Variants in AIG1 observed in about 807,000 individuals in gnomAD.
AIG1 encodes the protein androgen induced 1, also known as androgen-induced gene 1 protein.
AIG1 carries 23 observed loss-of-function variants against 31.4 expected under a neutral mutation model. That is an observed-to-expected ratio of 0.73 (90% CI 0.53 to 1.04). The LOEUF (loss-of-function observed/expected upper bound fraction) is 1.04, where lower values mean the gene tolerates loss of function less well. Among genes scored for constraint, AIG1 ranks in the 50% least tolerant of loss-of-function variants. AIG1 has a pLI of 0.00. For synonymous variants in AIG1, 100 were observed against 110.5 expected (o/e 0.90, Z 0.60); for missense variants, 274 against 295.0 (o/e 0.93, Z 0.52).
chr6:143,070,121 T>C (rs979818417), intron 1 of AIG1, among the ~76,000 whole-genome samples: 14 of 152,264 alleles, frequency 9.2e-5, no homozygotes, highest in African/African-American at 3.4e-4. Flanking sequence ...CATCTAACTT[T>C]GTTCTTTTTC....
chr6:143,207,734 A>G (rs893490127), intron 3 of AIG1, among the ~76,000 whole-genome samples: 1 of 152,150 alleles, frequency 6.6e-6, no homozygotes, highest in East Asian at 1.9e-4. Flanking sequence ...TATAAAATCA[A>G]TGAGTTTGTG....
chr6:143,302,419 C>T (rs1798894178), intron 4 of AIG1, among the ~76,000 whole-genome samples: 1 of 151,710 alleles, frequency 6.6e-6, no homozygotes, highest in Admixed American at 6.6e-5. Context: ...ATTCCCCTTC[C>T]TGTGTCCATG....
At chr6:143,336,486 A>T (rs1777502682) in intron 5 of AIG1, among the ~76,000 whole-genome samples, 1 of 152,182 alleles carries the variant, frequency 6.6e-6, no homozygotes, top group Non-Finnish European at 1.5e-5. Context: ...TAAGAATACC[A>T]GTTGTATTTG....
intron 4 of AIG1, among the ~76,000 whole-genome samples, chr6:143,286,981 C>G (rs190603035): frequency 2.0e-5 from 3 of 152,002 alleles, no homozygotes; most frequent in African/African-American, 7.2e-5. Context: ...CAGTCCTCCC[C>G]AAGCTTAGCA....
rs1777333707 is a variant in AIG1, at chr6:143,334,527, T to C, written c.679+1082T>C. 6.6e-6 allele frequency among the ~76,000 whole-genome samples: 1 copy of C among 152,250 alleles called. No individual in the cohort carries two copies. Among genetic ancestry groups the C allele is most frequent in the Admixed American group, 6.5e-5 (1 of 15,286 alleles). On this transcript the variant is annotated intron_variant, in intron 5 of 5. Coordinates refer to ENST00000357847, the MANE Select transcript of AIG1 (RefSeq NM_016108.4). This position sits in a 1 kb window ranked among gnomAD's most constrained non-coding sequence, Gnocchi z 5.1. ...TGAGGGTTTCTTTTCTCATCAGCTTTTGATTTTAATCAATGTTCTATTAGA... is the reference window on the plus strand; with the variant it reads ...TGAGGGTTTCTTTTCTCATCAGCTTCTGATTTTAATCAATGTTCTATTAGA...
rs1000008913 is a variant in AIG1 at position 143,154,915 on chromosome 6, T to G, written c.298-10167T>G. Among the ~76,000 whole-genome samples the G allele has an allele frequency of 3.3e-5, 5 of 151,060 alleles. No individual in the cohort carries two copies. In the South Asian group the frequency reaches 1.0e-3, roughly 32 times the overall value. ...CAGGCTGGAGTGCAGCGGTGTGATC[T>G]CGGTGCACTGCAGCCTCTACCTTCC... On this transcript the variant is annotated intron_variant, in intron 2 of 5. Transcript: ENST00000357847.
intron 3 of AIG1, chr6:143,190,431 C>T (rs1440586307): frequency 1.0e-6 from 1 of 985,272 alleles, no homozygotes; most frequent in African/African-American, 1.7e-5. Flanking sequence ...TTGGTGTAAA[C>T]ATTTTAGAGA....
At chr6:143,182,234 A>G (rs746397723) in intron 3 of AIG1, among the ~76,000 whole-genome samples, 7 of 152,004 alleles carry the variant, frequency 4.6e-5, no homozygotes, top group Non-Finnish European at 8.8e-5. Context: ...GGTTCTCACT[A>G]TGTTGCCTAG....
chr6:143,333,295 C>T lies in AIG1; in HGVS notation c.529C>T (p.His177Tyr), dbSNP rs763034083. ...VGYILWVCWVHHVTGMWVYPF... is the reference protein window; with the variant it reads ...VGYILWVCWVYHVTGMWVYPF... The stretch of plus-strand genomic sequence containing the variant: ...ATTCTTTTGCAGGGTGTGCTGGGTG[C>T]ATCATGTAACTGGCATGTGGGTGTA... The change falls in exon 5 of 6, where the codon CAT becomes TAT. Residue 177 changes from histidine (H) to tyrosine (Y), a missense_variant. This residue lies in a region of AIG1 where 243 missense variants were observed against 238.5 expected (regional missense o/e 1.02). Coordinates refer to ENST00000357847, the MANE Select transcript of AIG1 (RefSeq NM_016108.4). This position sits in a 1 kb window ranked among gnomAD's most constrained non-coding sequence, Gnocchi z 4.6. 1.9e-6 allele frequency: 3 copies of T among 1,611,624 alleles called. No individual in the cohort carries two copies. The highest frequency in any genetic ancestry group is 2.5e-6 in the Non-Finnish European group (3 of 1,179,060).
chr6:143,145,722 C>G (rs1356755298), intron 2 of AIG1, among the ~76,000 whole-genome samples: 2 of 152,044 alleles, frequency 1.3e-5, no homozygotes, highest in African/African-American at 2.4e-5. Context: ...CAAACAAAAT[C>G]AGGAGTTTTA....
intron 1 of AIG1, among the ~76,000 whole-genome samples, chr6:143,065,685 G>A (rs192889814): frequency 1.3e-5 from 2 of 152,318 alleles, no homozygotes; most frequent in East Asian, 1.9e-4. Context: ...TTTTCATTGA[G>A]TATTCTTTTC....
At position 143,316,328 on chromosome 6, in the gene AIG1, TC is replaced by T. The variant is rs1388588631; in HGVS notation, c.516-16951del. On this transcript the variant is annotated intron_variant, in intron 4 of 5. Transcript: ENST00000357847. ...AAAGATCCCCTTTGCCCACAATTTC[TC>T]CCATAGGGAGTTTCACTTATGAAAC... Among the ~76,000 whole-genome samples, 3 of 152,204 alleles carry T rather than the reference TC, an allele frequency of 2.0e-5. No individual in the cohort carries two copies. The East Asian group carries it at 5.8e-4, about 29-fold the overall frequency.
chr6:143,112,436 A>AT (rs1180288094), intron 1 of AIG1, among the ~76,000 whole-genome samples: 2 of 152,140 alleles, frequency 1.3e-5, no homozygotes, highest in Non-Finnish European at 2.9e-5. Context: ...CGAAAAACAC[A>AT]TTTTTTCACG....
intron 1 of AIG1, among the ~76,000 whole-genome samples, chr6:143,106,689 AC>A (rs1398150838): frequency 6.6e-6 from 1 of 152,188 alleles, no homozygotes; most frequent in Admixed American, 6.5e-5. Flanking sequence ...AGCAACCTTG[AC>A]CTTGGGTTAG....
intron 3 of AIG1, among the ~76,000 whole-genome samples, chr6:143,196,462 T>C (rs539173132): frequency 1.2e-4 from 19 of 152,160 alleles, no homozygotes; most frequent in Non-Finnish European, 2.1e-4. Context: ...TAAAATTTTC[T>C]GAAATCTGAT....
At chr6:143,122,331 A>G (rs1001707388) in intron 1 of AIG1, among the ~76,000 whole-genome samples, 3 of 152,166 alleles carry the variant, frequency 2.0e-5, no homozygotes, top group Admixed American at 1.3e-4. Context: ...TGTTCTGTCC[A>G]TGTACAACTT....
intron 2 of AIG1, among the ~76,000 whole-genome samples, chr6:143,139,282 C>T (rs566824942): frequency 4.6e-5 from 7 of 152,092 alleles, no homozygotes; most frequent in Non-Finnish European, 1.0e-4. Flanking sequence ...AATAAAAGTG[C>T]CTTTCATCCC....
At chr6:143,137,135 AAAC>A (rs770849961) in intron 2 of AIG1, 145 bp downstream of exon 2, 3 of 837,682 alleles carry the variant, frequency 3.6e-6, no homozygotes. Flanking sequence ...GCGGTGGCTT[AAAC>A]AACAAACATT....
chr6:143,285,076 C>G lies in AIG1; in HGVS notation c.515+851C>G, dbSNP rs568708516. Among the ~76,000 whole-genome samples the G allele has an allele frequency of 3.9e-4, 60 of 152,090 alleles. 2 individuals are homozygous for G. In the South Asian group the frequency reaches 0.012, roughly 30 times the overall value. ...CCCAAAGGACTGGATAGTGTTCTTC[C>G]AAAAACCCCTCAATTGTACTTAATC... On this transcript the variant is annotated intron_variant, in intron 4 of 5. Coordinates refer to ENST00000357847, the MANE Select transcript of AIG1 (RefSeq NM_016108.4).
Sources: allele counts gnomAD v4.1 joint callset (sites outside exome capture counted in the v4.1 genomes callset), GRCh38; gene constraint gnomAD v4.1.1; regional missense constraint gnomAD v4.1.1; non-coding constraint Gnocchi (gnomAD v3.1); transcripts MANE v1.5; gene names NCBI Gene and HGNC (gene_info 2026-07-23, HGNC 2026-07-21).